The following UPK3A variants were observed in gnomAD, a reference collection of about 807,000 sequenced individuals.
UPK3A encodes uroplakin-3a.
A neutral mutation model predicts 27.6 loss-of-function variants in UPK3A; 32 were observed. The observed-to-expected ratio is 1.16, with a 90% CI of 0.87 to 1.55. The LOEUF (loss-of-function observed/expected upper bound fraction) is 1.55, where lower values mean the gene tolerates loss of function less well. UPK3A is among the 40% of genes most tolerant of loss of function. The pLI is 0.00. For synonymous variants in UPK3A, 171 were observed against 163.9 expected, an observed-to-expected ratio of 1.04 and a Z score of -0.33; for missense variants, 370 against 367.9, an observed-to-expected ratio of 1.01 and a Z score of -0.05.
chr22:45,286,973 G>A lies in UPK3A; in HGVS notation c.209-199G>A, dbSNP rs138992014. Among the ~76,000 whole-genome samples, 58 of 152,296 alleles carry A rather than the reference G, an allele frequency of 3.8e-4. 1 individual carries two copies. The highest frequency in any genetic ancestry group is 1.1e-3 in the African/African-American group (45 of 41,556). On this transcript the variant is annotated intron_variant, in intron 2 of 5. Transcript: ENST00000216211. ...AGATAAGGCGAGAGTCAGACACAGC[G>A]CCCAAAGCAGGGAGGTGATCCTTGT...
At chr22:45,286,736 C>A (rs2084120747) in intron 2 of UPK3A, among the ~76,000 whole-genome samples, 1 of 152,182 alleles carries the variant, frequency 6.6e-6, no homozygotes. Flanking sequence ...TAGGGAATTT[C>A]TCTCCCATTT....
At chr22:45,293,420 G>T in intron 5 of UPK3A, 107 bp downstream of exon 5, 1 of 1,471,192 alleles carries the variant, frequency 6.8e-7, no homozygotes, top group Admixed American at 1.7e-5. Context: ...CAGCCCGGAA[G>T]GCAAGGAAGC....
Position 45,287,230 on chromosome 22 carries a change from C to T in UPK3A, c.267C>T (p.Phe89=). 6.2e-7 allele frequency: 1 copy of T among 1,614,232 alleles called. No individual in the cohort carries two copies. Among genetic ancestry groups the T allele is most frequent in the South Asian group, 1.1e-5 (1 of 91,088 alleles). The change falls in exon 3 of 6, where the codon TTC becomes TTT. Residue 89 remains phenylalanine (F), a synonymous_variant. Transcript: ENST00000216211. ...CCAACACCCCACTGGGCTCAACGTT[C>T]CTACAAACAGAGGGTGGGAGGACAG... ...DSTNTPLGST[F]LQTEGGRTGP... is the part of the protein sequence containing the mutation.
intron 1 of UPK3A, among the ~76,000 whole-genome samples, chr22:45,285,277 C>T (rs1216068077): frequency 6.6e-6 from 1 of 152,234 alleles, no homozygotes; most frequent in African/African-American, 2.4e-5. Flanking sequence ...TGCAAGAGAC[C>T]AACATGCAGG....
intron 4 of UPK3A, among the ~76,000 whole-genome samples, chr22:45,292,108 C>T (rs976857304): frequency 2.6e-5 from 4 of 152,182 alleles, no homozygotes; most frequent in Non-Finnish European, 4.4e-5. Flanking sequence ...GCCCAAGCCC[C>T]GCCTCTGCCC....
At chr22:45,292,547 A>G (rs1004739681) in intron 4 of UPK3A, among the ~76,000 whole-genome samples, 2 of 152,162 alleles carry the variant, frequency 1.3e-5, no homozygotes, top group African/African-American at 2.4e-5. Flanking sequence ...CCTCATCTTT[A>G]CTTGTAATCC....
intron 4 of UPK3A, among the ~76,000 whole-genome samples, chr22:45,291,366 T>C (rs1030645958): frequency 7.1e-6 from 1 of 140,992 alleles, no homozygotes; most frequent in Non-Finnish European, 1.5e-5. Context: ...TGTGTGAGAG[T>C]GGTGTGGGTG....
intron 5 of UPK3A, 79 bp from the exon 6 acceptor site, chr22:45,295,481 A>G (rs1000966953): frequency 2.0e-6 from 3 of 1,483,632 alleles, no homozygotes; most frequent in East Asian, 2.3e-5. Flanking sequence ...ATGTCTGAGT[A>G]TGAAGGTCCC....
intron 5 of UPK3A, among the ~76,000 whole-genome samples, chr22:45,294,950 C>T (rs1019162479): frequency 6.6e-6 from 1 of 150,868 alleles, no homozygotes; most frequent in Admixed American, 6.6e-5. Flanking sequence ...ACTGCAACCT[C>T]CGCCTCCCAG....
intron 5 of UPK3A, among the ~76,000 whole-genome samples, chr22:45,294,413 A>ACCC (rs35628051): frequency 1.3e-5 from 2 of 149,418 alleles, no homozygotes; most frequent in African/African-American, 4.9e-5. Context: ...ACCCTGGTAC[A>ACCC]CCCCCCCCGG....
At chr22:45,286,918 G>A (rs572164721) in intron 2 of UPK3A, among the ~76,000 whole-genome samples, 2 of 152,290 alleles carry the variant, frequency 1.3e-5, no homozygotes, top group African/African-American at 4.8e-5. Flanking sequence ...ACAAAGGTCT[G>A]TTGGGATGGG....
intron 4 of UPK3A, 26 bp from the exon 5 acceptor site, chr22:45,293,155 A>T: frequency 6.2e-7 from 1 of 1,612,506 alleles, no homozygotes; most frequent in Non-Finnish European, 8.5e-7. Flanking sequence ...GTGTCTGGGA[A>T]GTAACCGGGC....
Position 45,295,581 on chromosome 22 carries a change from G to C in UPK3A, c.726G>C (p.Gly242=). 2 of 1,614,048 alleles carry C rather than the reference G, an allele frequency of 1.2e-6. No homozygotes were observed. Among genetic ancestry groups the C allele is most frequent in the Non-Finnish European group, 1.7e-6 (2 of 1,180,018 alleles). The part of the protein sequence containing the change: ...LSLVDMGSSD[G]ETTHDSQITQ... Reference sequence around the variant, plus strand: ...ACAGGGACATGGGGAGTTCTGATGGGGAAACGACTCACGACTCCCAAATCA... The same window carrying C: ...ACAGGGACATGGGGAGTTCTGATGGCGAAACGACTCACGACTCCCAAATCA... The change falls in exon 6 of 6, where the codon GGG becomes GGC. Residue 242 remains glycine (G), a synonymous_variant. Coordinates refer to ENST00000216211, the MANE Select transcript of UPK3A (RefSeq NM_006953.4).
At chr22:45,289,771 G>T (rs116819530) in intron 4 of UPK3A, among the ~76,000 whole-genome samples, 3 of 149,982 alleles carry the variant, frequency 2.0e-5, no homozygotes, top group Non-Finnish European at 4.4e-5. Flanking sequence ...AAAAAAAGTC[G>T]TTGAACCTGG....
At chr22:45,294,825 C>T (rs979702951) in intron 5 of UPK3A, among the ~76,000 whole-genome samples, 7 of 151,982 alleles carry the variant, frequency 4.6e-5, no homozygotes, top group African/African-American at 1.7e-4. Flanking sequence ...TCCTGCCTCA[C>T]ACCCACCATG....
chr22:45,289,209 G>A lies in UPK3A; in HGVS notation c.571+66G>A, dbSNP rs75679281. 49 of 1,532,360 alleles carry A rather than the reference G, an allele frequency of 3.2e-5. No individual in the cohort carries two copies. In the East Asian group the frequency reaches 8.6e-4, roughly 27 times the overall value. The allele number at this position is 1,532,360 out of a possible 1,614,324, so 94.9% of individuals were successfully genotyped here. On this transcript the variant is annotated intron_variant, in intron 4 of 5. Coordinates refer to ENST00000216211, the MANE Select transcript of UPK3A (RefSeq NM_006953.4). ...CCGAGAAGGCGGGGCCAGCCACGGC[G>A]GTGAGAACCAAGGCTCCTCTGTCCC...
At chr22:45,289,867 A>T (rs1415040278) in intron 4 of UPK3A, among the ~76,000 whole-genome samples, 1 of 151,864 alleles carries the variant, frequency 6.6e-6, no homozygotes, top group Non-Finnish European at 1.5e-5. Context: ...TGGGCTGGGG[A>T]TGGGTGTAAG....
intron 5 of UPK3A, among the ~76,000 whole-genome samples, chr22:45,293,556 G>T (rs1601850720): frequency 6.6e-6 from 1 of 152,276 alleles, no homozygotes; most frequent in East Asian, 1.9e-4. Context: ...GGGCTTGTGG[G>T]CAGACAGCCG....
chr22:45,288,138 G>A (rs1601847717), intron 3 of UPK3A, among the ~76,000 whole-genome samples: 1 of 151,976 alleles, frequency 6.6e-6, no homozygotes, highest in East Asian at 1.9e-4. Flanking sequence ...CCAGTGGAAA[G>A]CTGGGGCCCA....
Sources: gnomAD v4.1 joint callset for allele counts (sites outside exome capture counted in the v4.1 genomes callset) on GRCh38, gnomAD v4.1.1 for gene constraint, MANE v1.5 for transcripts, NCBI Gene and HGNC (gene_info 2026-07-23, HGNC 2026-07-21) for gene names.